Variants in GPC5 observed in about 807,000 individuals in gnomAD.
GPC5 encodes glypican 5.
GPC5 carries 47 observed loss-of-function variants against 53.9 expected under a neutral mutation model. That is an observed-to-expected ratio of 0.87 (90% CI 0.69 to 1.11). The LOEUF (loss-of-function observed/expected upper bound fraction) is 1.11. Among genes scored for constraint, GPC5 ranks in the 50% most tolerant of loss-of-function variants. The pLI, the probability that GPC5 is intolerant of heterozygous loss-of-function variation, is 0.00. For synonymous variants in GPC5, 286 were observed against 263.3 expected, an observed-to-expected ratio of 1.09 and a Z score of -0.84; for missense variants, 748 against 713.1, an observed-to-expected ratio of 1.05 and a Z score of -0.56.
chr13:91,728,643 G>A lies in GPC5; in HGVS notation c.1132G>A (p.Glu378Lys). ...GMKTTTRNSE[E>K]TLANRRKEFI... ...GAAGACCACCACAAGGAACAGTGAAGAGACGCTTGCCAACAGAAGAAAGTA... is the reference window on the plus strand; with the variant it reads ...GAAGACCACCACAAGGAACAGTGAAAAGACGCTTGCCAACAGAAGAAAGTA... The change falls in exon 4 of 8, where the codon GAG becomes AAG. Residue 378 changes from glutamate to lysine, a missense_variant. Glu to Lys is a moderately conservative substitution (Grantham distance 56, BLOSUM62 1). Coordinates refer to ENST00000377067, the MANE Select transcript of GPC5 (RefSeq NM_004466.6). 1 of 1,611,704 alleles carries A rather than the reference G, an allele frequency of 6.2e-7. No homozygotes were observed. Among genetic ancestry groups the A allele is most frequent in the Non-Finnish European group, 8.5e-7 (1 of 1,178,720 alleles).
At position 92,164,672 on chromosome 13, in the gene GPC5, TG is replaced by T. The variant is rs567672395; in HGVS notation, c.1561+19685del. 7.9e-5 allele frequency among the ~76,000 whole-genome samples: 12 copies of T among 152,294 alleles called. No individual in the cohort carries two copies. In the South Asian group the frequency reaches 1.9e-3, roughly 24 times the overall value. On this transcript the variant is annotated intron_variant, in intron 7 of 7. Transcript: ENST00000377067. ...ATATACCATTCTGGGGTCTGGAGGA[TG>T]GTGGCCCTCTTCTCACAGCTCCACT...
chr13:92,385,506 A>ATACATGTATG (rs1482818987), intron 7 of GPC5, among the ~76,000 whole-genome samples: 2 of 133,134 alleles, frequency 1.5e-5, no homozygotes, highest in Non-Finnish European at 3.1e-5. Flanking sequence ...ACATACATAT[A>ATACATGTATG]CATATATACA....
intron 1 of GPC5, among the ~76,000 whole-genome samples, chr13:91,430,956 C>T (rs887268671): frequency 6.6e-6 from 1 of 152,106 alleles, no homozygotes; most frequent in African/African-American, 2.4e-5. Flanking sequence ...CTTACTGCAG[C>T]CTTGACCTCT....
chr13:92,372,211 T>C (rs2043656457), intron 7 of GPC5, among the ~76,000 whole-genome samples: 1 of 152,206 alleles, frequency 6.6e-6, no homozygotes, highest in South Asian at 2.1e-4. Flanking sequence ...GAGATGATCA[T>C]GTGTTTTAAG....
chr13:91,457,615 G>A (rs573125608), intron 2 of GPC5, among the ~76,000 whole-genome samples: 4 of 152,204 alleles, frequency 2.6e-5, no homozygotes, highest in East Asian at 1.9e-4. Context: ...ATGGAAGTGC[G>A]TATGTAGTTT....
intron 7 of GPC5, among the ~76,000 whole-genome samples, chr13:92,671,134 TCA>T (rs754583903): frequency 0.16 from 24,154 of 152,120 alleles, 2,175 homozygotes; most frequent in Non-Finnish European, 0.21. Context: ...GCTAGAAATC[TCA>T]GAGCTTCCCT....
At chr13:91,494,038 T>TAA (rs199722046) in intron 2 of GPC5, among the ~76,000 whole-genome samples, 6 of 145,432 alleles carry the variant, frequency 4.1e-5, no homozygotes, top group Admixed American at 2.7e-4. Context: ...CACACCCGGC[T>TAA]AATTTTTTTT....
chr13:92,763,923 C>T (rs1015551448), intron 7 of GPC5, among the ~76,000 whole-genome samples: 14 of 152,162 alleles, frequency 9.2e-5, no homozygotes, highest in Admixed American at 3.3e-4. Context: ...TAGTGCACTC[C>T]GTAGTAGTGA....
chr13:92,807,189 C>T (rs1399254812), intron 7 of GPC5, among the ~76,000 whole-genome samples: 1 of 152,014 alleles, frequency 6.6e-6, no homozygotes, highest in Non-Finnish European at 1.5e-5. Flanking sequence ...TTTACAATAT[C>T]ATCATTGTTT....
chr13:92,746,316 T>C lies in GPC5; in HGVS notation c.1562-119966T>C, dbSNP rs528731375. On this transcript the variant is annotated intron_variant, in intron 7 of 7. Coordinates refer to ENST00000377067, the MANE Select transcript of GPC5 (RefSeq NM_004466.6). Reference sequence around the variant, plus strand: ...CAAAGCCAACCAACTTCAAAATATATCTTGTTCACTACAATTTCAAGTGAG... The same window carrying C: ...CAAAGCCAACCAACTTCAAAATATACCTTGTTCACTACAATTTCAAGTGAG... 2.6e-5 allele frequency among the ~76,000 whole-genome samples: 4 copies of C among 152,258 alleles called. No individual in the cohort carries two copies. In the South Asian group the frequency reaches 8.3e-4, roughly 32 times the overall value.
intron 2 of GPC5, among the ~76,000 whole-genome samples, chr13:91,658,263 A>C (rs2034895623): frequency 6.6e-6 from 1 of 152,160 alleles, no homozygotes; most frequent in Non-Finnish European, 1.5e-5. Context: ...TCTATAGTTT[A>C]TGTAATACTG....
intron 7 of GPC5, among the ~76,000 whole-genome samples, chr13:92,541,182 G>T (rs148427709): frequency 6.6e-6 from 1 of 151,682 alleles, no homozygotes; most frequent in African/African-American, 2.4e-5. Context: ...AACCACAAGC[G>T]TATTTTAAAA....
chr13:91,517,110 C>A (rs932886812), intron 2 of GPC5, among the ~76,000 whole-genome samples: 1 of 152,178 alleles, frequency 6.6e-6, no homozygotes, highest in South Asian at 2.1e-4. Context: ...TCCCCATGGT[C>A]TTGGGGATTA....
At chr13:91,460,456 C>A (rs953730943) in intron 2 of GPC5, among the ~76,000 whole-genome samples, 4 of 151,876 alleles carry the variant, frequency 2.6e-5, no homozygotes, top group African/African-American at 9.7e-5. Context: ...TGCCACCACA[C>A]CCGGCTAATT....
In GPC5 at chr13:92,701,948, A is replaced by G. The variant is rs544754505; in HGVS notation, c.1562-164334A>G. 2.0e-4 allele frequency among the ~76,000 whole-genome samples: 30 copies of G among 152,250 alleles called. No individual in the cohort carries two copies. In the East Asian group the frequency reaches 5.8e-3, roughly 29 times the overall value. Reference sequence around the variant, plus strand: ...TCACATGCATTTTAAATGTCAGGGGACAGGATAGGACTTAAATGATAAGCT... The same window carrying G: ...TCACATGCATTTTAAATGTCAGGGGGCAGGATAGGACTTAAATGATAAGCT... On this transcript the variant is annotated intron_variant, in intron 7 of 7. Transcript: ENST00000377067.
intron 2 of GPC5, among the ~76,000 whole-genome samples, chr13:91,651,430 A>C (rs1261255452): frequency 6.6e-6 from 1 of 152,136 alleles, no homozygotes; most frequent in African/African-American, 2.4e-5. Flanking sequence ...GACTTATGAA[A>C]ACATTTATGC....
At chr13:91,858,774 AC>A (rs2038994264) in intron 5 of GPC5, among the ~76,000 whole-genome samples, 1 of 151,758 alleles carries the variant, frequency 6.6e-6, no homozygotes, top group African/African-American at 2.4e-5. Flanking sequence ...CAGGAGTAAA[AC>A]CATTAGGTCC....
rs929660144 is a variant in GPC5, at chr13:92,159,451, G to A, written c.1561+14462G>A. ...ATTTGGGGCGGGGACTCAGGTATGA[G>A]CATCACCTTGGAAGGGCAACATTCC... is the stretch of plus-strand genomic sequence containing the variant. On this transcript the variant is annotated intron_variant, in intron 7 of 7. Transcript: ENST00000377067. 5.9e-5 allele frequency among the ~76,000 whole-genome samples: 9 copies of A among 152,242 alleles called. No homozygotes were observed. The South Asian group carries it at 1.5e-3, about 25-fold the overall frequency.
chr13:92,067,755 T>G, intron 6 of GPC5, among the ~76,000 whole-genome samples: 1 of 152,044 alleles, frequency 6.6e-6, no homozygotes, highest in East Asian at 1.9e-4. Context: ...TCTCTGCCTG[T>G]GTCTCCATCT....
Sources: allele counts gnomAD v4.1 joint callset (sites outside exome capture counted in the v4.1 genomes callset), GRCh38; gene constraint gnomAD v4.1.1; transcripts MANE v1.5; gene names NCBI Gene and HGNC (gene_info 2026-07-23, HGNC 2026-07-21).